GNG7: variants seen among roughly 807,000 people sequenced by gnomAD.
GNG7 encodes G protein subunit gamma 7.
In GNG7, 1 loss-of-function variant was observed where a neutral mutation model predicts 4.0. The ratio of observed to expected loss-of-function variants is 0.25; its 90% CI spans 0.09 to 1.18. The LOEUF is 1.18. Among genes scored for constraint, GNG7 ranks in the 50% most tolerant of loss-of-function variants. The pLI is 0.50. For synonymous variants in GNG7, 34 were observed against 36.9 expected (o/e 0.92, Z 0.29); for missense variants, 86 against 91.9 (o/e 0.94, Z 0.26).
chr19:2,608,611 G>A (rs774474446), intron 2 of GNG7, among the ~76,000 whole-genome samples: 2 of 152,292 alleles, frequency 1.3e-5, no homozygotes, highest in Admixed American at 1.3e-4. Context: ...GGCTGCCACC[G>A]GACACCCCAG....
chr19:2,552,264 C>A (rs557610337), intron 3 of GNG7, among the ~76,000 whole-genome samples: 7 of 152,214 alleles, frequency 4.6e-5, no homozygotes, highest in African/African-American at 1.7e-4. Flanking sequence ...GATCATGCCA[C>A]TGCACTCCAG....
intron 3 of GNG7, among the ~76,000 whole-genome samples, chr19:2,553,639 A>G (rs1979424447): frequency 1.1e-5 from 1 of 94,124 alleles, no homozygotes; most frequent in Admixed American, 9.8e-5. Flanking sequence ...GTTACATGTA[A>G]TATGTTATAT....
chr19:2,516,246 T>G (rs943175614), intron 4 of GNG7, among the ~76,000 whole-genome samples: 8 of 151,600 alleles, frequency 5.3e-5, no homozygotes, highest in African/African-American at 1.9e-4. Flanking sequence ...ATAAATAAAT[T>G]TATGTGTGTC....
At chr19:2,524,927 A>C (rs8112435) in intron 3 of GNG7, among the ~76,000 whole-genome samples, 65,660 of 151,836 alleles carry the variant, frequency 0.43, 14,673 homozygotes, top group African/African-American at 0.57. Flanking sequence ...TGCGCACGGG[A>C]GTGCATGTGG....
chr19:2,554,160 T>C (rs1979473609), intron 3 of GNG7, among the ~76,000 whole-genome samples: 1 of 145,912 alleles, frequency 6.9e-6, no homozygotes, highest in African/African-American at 2.5e-5. Context: ...TAATATATTA[T>C]ATATAATATA....
intron 2 of GNG7, among the ~76,000 whole-genome samples, chr19:2,613,223 A>G (rs952192239): frequency 5.3e-5 from 8 of 152,120 alleles, no homozygotes; most frequent in African/African-American, 1.9e-4. Flanking sequence ...CTGAATTAGC[A>G]CCTACGTTGA....
At chr19:2,586,984 C>CAA (rs756891397) in intron 2 of GNG7, among the ~76,000 whole-genome samples, 156 of 48,504 alleles carry the variant, frequency 3.2e-3, no homozygotes, top group Non-Finnish European at 4.1e-3. Context: ...GACTCCATCT[C>CAA]AAAAAAAAAA....
chr19:2,643,217 C>G (rs994242585), intron 2 of GNG7: 1 of 450,336 alleles, frequency 2.2e-6, no homozygotes, highest in Admixed American at 2.4e-5. Context: ...CGGCCTTGCA[C>G]TGTCCGCACT....
At position 2,514,472 on chromosome 19, in the gene GNG7, T is replaced by C. The variant is rs905005905; in HGVS notation, c.*550A>G. The C allele has an allele frequency of 1.3e-5, 2 of 153,526 alleles. No individual in the cohort carries two copies. Among genetic ancestry groups the C allele is most frequent in the Non-Finnish European group, 2.9e-5 (2 of 69,080 alleles). 9.5% of individuals were successfully genotyped at this position (153,526 alleles called of 1,614,324 possible). On this transcript the variant is annotated 3_prime_UTR_variant, in exon 5 of 5. Coordinates refer to ENST00000382159, the MANE Select transcript of GNG7 (RefSeq NM_052847.3). ...GAGTTTAGCCGTATGGAGTAACAAT[T>C]TTTTAAATAAAGAGATATTTCCAAA...
intron 1 of GNG7, among the ~76,000 whole-genome samples, chr19:2,657,337 TAAAAAAAAAA>T (rs372388972): frequency 7.4e-3 from 103 of 13,866 alleles, no homozygotes; most frequent in Non-Finnish European, 8.1e-3. Context: ...CCGTCTCAAT[TAAAAAAAAAA>T]AAAAAAAAAA....
At chr19:2,579,453 CG>C (rs1289953535) in intron 2 of GNG7, among the ~76,000 whole-genome samples, 1 of 152,184 alleles carries the variant, frequency 6.6e-6, no homozygotes, top group Non-Finnish European at 1.5e-5. Flanking sequence ...GTCAACAGGG[CG>C]GGTGCAGGAA....
intron 2 of GNG7, chr19:2,630,827 C>T (rs957924657): frequency 6.6e-6 from 1 of 151,838 alleles, no homozygotes; most frequent in Non-Finnish European, 1.5e-5. Flanking sequence ...GGGTGTCACT[C>T]TAAGCTACTG....
Position 2,611,004 on chromosome 19 carries a change from C to CGGGGGG in GNG7, c.-78+35214_-78+35219dup, listed in dbSNP as rs750687168. ...GGGGAACGGGCTCACGTGCCAGGCT[C>CGGGGGG]GGGGGGGGGGAAGCGTCCTCAACAT... On this transcript the variant is annotated intron_variant, in intron 2 of 4. Transcript: ENST00000382159. The surrounding 1 kb of genome is among the most constrained non-coding windows in gnomAD (Gnocchi z 6.0). 4 of 21,932 alleles carry CGGGGGG rather than the reference C, an allele frequency of 1.8e-4. No individual in the cohort carries two copies. The highest frequency in any genetic ancestry group is 2.5e-4 in the African/African-American group (4 of 16,182). 1.4% of individuals were successfully genotyped at this position (21,932 alleles called of 1,614,324 possible). A position where few individuals can be genotyped will look rare whatever the true frequency, so the allele number is the denominator to read the frequency against.
At chr19:2,540,922 C>T (rs561335101) in intron 3 of GNG7, among the ~76,000 whole-genome samples, 12 of 152,332 alleles carry the variant, frequency 7.9e-5, no homozygotes, top group East Asian at 1.9e-4. Context: ...CTCGATAAAC[C>T]GACCAGGAGC....
chr19:2,604,803 T>G lies in GNG7; in HGVS notation c.-78+41421A>C, dbSNP rs200401128. Among the ~76,000 whole-genome samples the G allele has an allele frequency of 1.1e-4, 17 of 152,286 alleles. No homozygotes were observed. The East Asian group carries it at 2.7e-3, about 24-fold the overall frequency. ...TTTGAATGCTTTTCCCAGACAGAGA[T>G]GCAGGGCAGTGGCGAGAAGGAAACA... On this transcript the variant is annotated intron_variant, in intron 2 of 4. Transcript: ENST00000382159.
In GNG7 at chr19:2,520,189, AAAAC is replaced by A. The variant is rs1178467398; in HGVS notation, c.81+415_81+418del. ...GAGCAAGACTCCGTCTCAAACAAAC[AAAAC>A]AAACAAATCCTTCAAACAACACAGA... On this transcript the variant is annotated intron_variant, in intron 4 of 4. Transcript: ENST00000382159. Among the ~76,000 whole-genome samples, 3 of 150,054 alleles carry A rather than the reference AAAAC, an allele frequency of 2.0e-5. No individual in the cohort carries two copies. In the East Asian group the frequency reaches 5.9e-4, roughly 30 times the overall value.
chr19:2,590,174 T>G (rs1980795710), intron 2 of GNG7, among the ~76,000 whole-genome samples: 1 of 152,156 alleles, frequency 6.6e-6, no homozygotes, highest in African/African-American at 2.4e-5. Context: ...GGTAACAACA[T>G]TATCAAGAGG....
chr19:2,538,885 C>T (rs752261372), intron 3 of GNG7: 15 of 221,172 alleles, frequency 6.8e-5, no homozygotes, highest in South Asian at 1.0e-4. Context: ...TCTCCTGCCT[C>T]AACCTCCCGA....
At chr19:2,677,744 G>A (rs2144895633) in intron 1 of GNG7, among the ~76,000 whole-genome samples, 1 of 152,084 alleles carries the variant, frequency 6.6e-6, no homozygotes, top group Non-Finnish European at 1.5e-5. Flanking sequence ...CTCACCTGGG[G>A]GTGATTCTGC....
Sources: allele counts gnomAD v4.1 joint callset (sites outside exome capture counted in the v4.1 genomes callset), GRCh38; gene constraint gnomAD v4.1.1; non-coding constraint Gnocchi (gnomAD v3.1); transcripts MANE v1.5; gene names NCBI Gene and HGNC (gene_info 2026-07-23, HGNC 2026-07-21).